The following EPHA5 variants were observed in gnomAD, a reference collection of about 807,000 sequenced individuals.
EPHA5 encodes EPH receptor A5.
A neutral mutation model predicts 105.0 loss-of-function variants in EPHA5; 60 were observed. The ratio of observed to expected loss-of-function variants is 0.57; its 90% CI spans 0.46 to 0.71. The LOEUF is 0.71. EPHA5 is among the 30% of genes least tolerant of loss of function. EPHA5 has a pLI of 0.00. For synonymous variants in EPHA5, 513 were observed against 449.1 expected (o/e 1.14, Z -1.80); for missense variants, 1,218 against 1,274.7 (o/e 0.96, Z 0.68).
chr4:65,415,992 T>C (rs1723348004), intron 6 of EPHA5, among the ~76,000 whole-genome samples: 1 of 152,060 alleles, frequency 6.6e-6, no homozygotes, highest in Admixed American at 6.6e-5. Context: ...CTCCATATTA[T>C]TGAAAAATAT....
At chr4:65,363,462 A>G (rs919443064) in intron 11 of EPHA5, among the ~76,000 whole-genome samples, 4 of 151,558 alleles carry the variant, frequency 2.6e-5, no homozygotes, top group African/African-American at 9.7e-5. Flanking sequence ...GTCTTCCATG[A>G]TAATAACAGT....
chr4:65,337,568 A>G (rs1721304235), intron 14 of EPHA5, among the ~76,000 whole-genome samples: 1 of 152,144 alleles, frequency 6.6e-6, no homozygotes, highest in African/African-American at 2.4e-5. Context: ...AGTTAAAACC[A>G]AGCAAATTCA....
intron 1 of EPHA5, among the ~76,000 whole-genome samples, chr4:65,644,213 C>CAT (rs1747922753): frequency 6.6e-6 from 1 of 151,802 alleles, no homozygotes; most frequent in Non-Finnish European, 1.5e-5. Flanking sequence ...TCTACACACA[C>CAT]ACACACCCCC....
At chr4:65,663,648 C>A (rs1467000243) in intron 1 of EPHA5, among the ~76,000 whole-genome samples, 3 of 151,874 alleles carry the variant, frequency 2.0e-5, no homozygotes, top group African/African-American at 7.2e-5. Flanking sequence ...TTTTTAAAAT[C>A]TGATTCTTGA....
rs932321120 is a variant in EPHA5 at position 65,490,402 on chromosome 4, A to G, written c.1377T>C (p.Ser459=). 3.1e-6 allele frequency: 5 copies of G among 1,614,062 alleles called. No individual in the cohort carries two copies. The highest frequency in any genetic ancestry group is 3.4e-6 in the Non-Finnish European group (4 of 1,179,956). Residue 459 remains serine (S), a synonymous_variant, in exon 5 of 17, where the codon TCT becomes TCC. Coordinates refer to ENST00000613740, the MANE Select transcript of EPHA5 (RefSeq NM_001281766.3). ...DLSPGARQYV[S]VNVTTNQAAP... is the part of the protein sequence containing the mutation. The stretch of plus-strand genomic sequence containing the variant: ...CTGCTTGATTTGTGGTTACATTTAC[A>G]GACACATACTGCCGGGCTCCTGGGC...
chr4:65,515,720 G>T (rs1734045179), intron 3 of EPHA5, among the ~76,000 whole-genome samples: 1 of 151,976 alleles, frequency 6.6e-6, no homozygotes, highest in African/African-American at 2.4e-5. Context: ...CAATTTAACT[G>T]GGCTAAGGGA....
intron 4 of EPHA5, 56 bp downstream of exon 4, chr4:65,495,332 T>C (rs756507727): frequency 1.3e-6 from 2 of 1,550,718 alleles, no homozygotes; most frequent in Non-Finnish European, 1.8e-6. Flanking sequence ...TCCATCATGC[T>C]GTTTCCTCAA....
chr4:65,401,834 A>C (rs1721856414), intron 8 of EPHA5, among the ~76,000 whole-genome samples: 1 of 152,124 alleles, frequency 6.6e-6, no homozygotes, highest in South Asian at 2.1e-4. Flanking sequence ...CAAATGAGAC[A>C]TTATACTAAA....
At chr4:65,333,671 C>T (rs868678317) in intron 15 of EPHA5, among the ~76,000 whole-genome samples, 2 of 142,002 alleles carry the variant, frequency 1.4e-5, no homozygotes, top group Non-Finnish European at 3.0e-5. Flanking sequence ...GGACTTGGCC[C>T]TATATTTTTC....
In EPHA5 at chr4:65,423,347, C is replaced by A. The variant is rs188939390; in HGVS notation, c.1403-2782G>T. 1.1e-3 allele frequency among the ~76,000 whole-genome samples: 163 copies of A among 152,038 alleles called. 1 individual carries two copies. The highest frequency in any genetic ancestry group is 1.2e-3 in the Non-Finnish European group (81 of 67,914). ...GTTCCTCCACTATAACATTTTTTCCCCAGCATTCAATATTGTACTTTTTGG... is the reference window on the plus strand; with the variant it reads ...GTTCCTCCACTATAACATTTTTTCCACAGCATTCAATATTGTACTTTTTGG... On this transcript the variant is annotated intron_variant, in intron 5 of 16. Transcript: ENST00000613740.
intron 7 of EPHA5, among the ~76,000 whole-genome samples, chr4:65,406,157 T>A (rs1199045629): frequency 6.6e-6 from 1 of 152,180 alleles, no homozygotes. Context: ...CCTTATAAAC[T>A]ACTCTGCTGC....
chr4:65,574,114 A>G (rs1159529539), intron 3 of EPHA5: 5 of 1,609,020 alleles, frequency 3.1e-6, no homozygotes, highest in Non-Finnish European at 4.3e-6. Flanking sequence ...GCTTACTTCA[A>G]GAAGAAGCAG....
intron 7 of EPHA5, among the ~76,000 whole-genome samples, chr4:65,410,221 T>C (rs1305862523): frequency 2.0e-5 from 3 of 152,194 alleles, no homozygotes; most frequent in Non-Finnish European, 4.4e-5. Context: ...TATGGAATAT[T>C]ATTCAGTAAT....
At chr4:65,409,784 G>A (rs1054034853) in intron 7 of EPHA5, among the ~76,000 whole-genome samples, 3 of 152,076 alleles carry the variant, frequency 2.0e-5, no homozygotes, top group Non-Finnish European at 4.4e-5. Context: ...AAACAGTATG[G>A]TAGGCAAATA....
chr4:65,477,305 T>G (rs1391823343), intron 5 of EPHA5, among the ~76,000 whole-genome samples: 1 of 152,188 alleles, frequency 6.6e-6, no homozygotes. Context: ...TTGTCATGAT[T>G]CAGAGCATTC....
intron 3 of EPHA5, among the ~76,000 whole-genome samples, chr4:65,555,801 G>T (rs1175127457): frequency 7.1e-6 from 1 of 141,008 alleles, no homozygotes; most frequent in Non-Finnish European, 1.5e-5. Flanking sequence ...TCAAGTAGGA[G>T]TACTAGGATA....
intron 7 of EPHA5, among the ~76,000 whole-genome samples, chr4:65,406,915 AC>A: frequency 6.6e-6 from 1 of 152,122 alleles, no homozygotes; most frequent in South Asian, 2.1e-4. Flanking sequence ...TTGAACTGTT[AC>A]TAAATCTTTC....
chr4:65,619,478 G>A (rs1280562738), intron 2 of EPHA5, among the ~76,000 whole-genome samples: 1 of 151,994 alleles, frequency 6.6e-6, no homozygotes, highest in Non-Finnish European at 1.5e-5. Flanking sequence ...ATTCAACTTA[G>A]AATCAGTAAC....
intron 5 of EPHA5, among the ~76,000 whole-genome samples, chr4:65,475,188 T>G (rs1327081064): frequency 6.6e-6 from 1 of 152,196 alleles, no homozygotes; most frequent in East Asian, 1.9e-4. Flanking sequence ...TATTCAATTT[T>G]TTAATTCTTC....
Sources: gnomAD v4.1 joint callset for allele counts (sites outside exome capture counted in the v4.1 genomes callset) on GRCh38, gnomAD v4.1.1 for gene constraint, MANE v1.5 for transcripts, NCBI Gene and HGNC (gene_info 2026-07-23, HGNC 2026-07-21) for gene names.